Variants in RASGEF1C observed in about 807,000 individuals in gnomAD.
RASGEF1C encodes ras-GEF domain-containing family member 1C.
A neutral mutation model predicts 58.1 loss-of-function variants in RASGEF1C; 27 were observed. That is an observed-to-expected ratio of 0.46 (90% CI 0.34 to 0.64). The LOEUF is 0.64. Ranked by LOEUF, RASGEF1C falls within the 30% of genes least tolerant of loss-of-function variation. The pLI, the probability that RASGEF1C is intolerant of heterozygous loss-of-function variation, is 0.01. For synonymous variants in RASGEF1C, 243 were observed against 246.3 expected (o/e 0.99, Z 0.13); for missense variants, 502 against 605.1 (o/e 0.83, Z 1.79).
In RASGEF1C at chr5:180,143,448, A is replaced by G. The variant is rs1766614738; in HGVS notation, c.-6-5390T>C. 6.6e-6 allele frequency among the ~76,000 whole-genome samples: 1 copy of G among 152,184 alleles called. No individual in the cohort carries two copies. Among genetic ancestry groups the G allele is most frequent in the Non-Finnish European group, 1.5e-5 (1 of 68,028 alleles). ...CCTGCTATTCCAGTGGGTGCTGGAA[A>G]GAGGTAATGGTCACCTGCCCCCAGC... On this transcript the variant is annotated intron_variant, in intron 1 of 13. Coordinates refer to ENST00000361132, the MANE Select transcript of RASGEF1C (RefSeq NM_175062.4). The surrounding 1 kb of genome is among the most constrained non-coding windows in gnomAD (Gnocchi z 4.3).
intron 1 of RASGEF1C, among the ~76,000 whole-genome samples, chr5:180,206,863 A>T (rs1161008686): frequency 1.3e-5 from 2 of 152,250 alleles, no homozygotes; most frequent in African/African-American, 4.8e-5. Flanking sequence ...GATAATGCTT[A>T]AATGACTTGT....
chr5:180,169,794 C>A (rs1281709271), intron 1 of RASGEF1C, among the ~76,000 whole-genome samples: 1 of 111,182 alleles, frequency 9.0e-6, no homozygotes, highest in African/African-American at 2.8e-5. Flanking sequence ...CACCCCCCGA[C>A]CCCATGGGGC....
At chr5:180,109,074 C>T (rs561804761) in intron 12 of RASGEF1C, among the ~76,000 whole-genome samples, 5 of 152,316 alleles carry the variant, frequency 3.3e-5, no homozygotes, top group African/African-American at 1.2e-4. Flanking sequence ...TGAGACTCCT[C>T]TATGCCTCTC....
chr5:180,176,294 T>G (rs1329718758), intron 1 of RASGEF1C, among the ~76,000 whole-genome samples: 1 of 152,190 alleles, frequency 6.6e-6, no homozygotes, highest in Non-Finnish European at 1.5e-5. Flanking sequence ...AGAGCAGCCG[T>G]GGGAGGGCAC....
At chr5:180,175,917 G>C (rs2113317146) in intron 1 of RASGEF1C, among the ~76,000 whole-genome samples, 1 of 152,362 alleles carries the variant, frequency 6.6e-6, no homozygotes, top group East Asian at 1.9e-4. Flanking sequence ...GAACCCGGAA[G>C]GCAGAGCTTG....
intron 1 of RASGEF1C, among the ~76,000 whole-genome samples, chr5:180,195,013 C>T (rs1756240115): frequency 6.6e-6 from 1 of 152,242 alleles, no homozygotes; most frequent in Non-Finnish European, 1.5e-5. Context: ...GGCCATGCTT[C>T]CCCTCTGCCT....
At chr5:180,116,274 T>C (rs547121408) in intron 10 of RASGEF1C, among the ~76,000 whole-genome samples, 1 of 152,004 alleles carries the variant, frequency 6.6e-6, no homozygotes, top group East Asian at 1.9e-4. Context: ...AGCTTGGAGG[T>C]CACCCGGATA....
At chr5:180,174,727 C>T (rs983910432) in intron 1 of RASGEF1C, among the ~76,000 whole-genome samples, 2 of 152,146 alleles carry the variant, frequency 1.3e-5, no homozygotes, top group Non-Finnish European at 2.9e-5. Flanking sequence ...GGGCTGTGGT[C>T]CACAGCCAGC....
chr5:180,139,120 G>A (rs1019948230), intron 1 of RASGEF1C, among the ~76,000 whole-genome samples: 8 of 152,096 alleles, frequency 5.3e-5, no homozygotes, highest in African/African-American at 1.7e-4. Context: ...TCTGAGTGAC[G>A]GGCCTGGCAG....
At chr5:180,151,771 G>C (rs1401725674) in intron 1 of RASGEF1C, among the ~76,000 whole-genome samples, 6 of 151,980 alleles carry the variant, frequency 3.9e-5, no homozygotes, top group Admixed American at 3.9e-4. Flanking sequence ...TACCATCAGA[G>C]TGAACAGGCA....
intron 12 of RASGEF1C, among the ~76,000 whole-genome samples, chr5:180,104,160 A>G (rs960774468): frequency 1.1e-4 from 16 of 152,272 alleles, no homozygotes; most frequent in African/African-American, 3.9e-4. Flanking sequence ...TGGTTTTAGT[A>G]TCAGGGTAAT....
At chr5:180,193,565 C>A (rs561571569) in intron 1 of RASGEF1C, among the ~76,000 whole-genome samples, 1 of 152,164 alleles carries the variant, frequency 6.6e-6, no homozygotes, top group Admixed American at 6.5e-5. Context: ...GACAAGTGTT[C>A]CCATCCCCTC....
rs1416567731 is a variant in RASGEF1C, at chr5:180,128,475, T to C, written c.574A>G (p.Arg192Gly). 3 of 1,613,910 alleles carry C rather than the reference T, an allele frequency of 1.9e-6. No individual in the cohort carries two copies. Among genetic ancestry groups the C allele is most frequent in the African/African-American group, 2.7e-5 (2 of 74,886 alleles). Residue 192 changes from arginine to glycine, a missense_variant, in exon 5 of 14, where the codon AGG (arginine) becomes GGG (glycine). Physicochemically the swap from Arg to Gly is moderately radical, Grantham distance 125. Coordinates refer to ENST00000361132, the MANE Select transcript of RASGEF1C (RefSeq NM_175062.4). ...TCGCTGCAGACACCAAGGAGCTCCC[T>C]GTGGATGGAGGCTGGTGGCTTGGTC... is the stretch of plus-strand genomic sequence containing the variant. ...YRTKPPASIH[R>G]ELLGVCSDPY...
Position 180,136,839 on chromosome 5 carries a change from C to T in RASGEF1C, c.301-324G>A, listed in dbSNP as rs115833861. 2.9e-3 allele frequency: 1,021 copies of T among 351,342 alleles called. 3 individuals are homozygous for T. Among genetic ancestry groups the T allele is most frequent in the Non-Finnish European group, 4.2e-3 (812 of 191,342 alleles). The allele number at this position is 351,342 out of a possible 1,614,324, so 21.8% of individuals were successfully genotyped here. ...CCCAGGGGTGGGTCTAGGTCTGTGCCGACCAATCAGAGCAGGCATACGCCA... is the reference window on the plus strand; with the variant it reads ...CCCAGGGGTGGGTCTAGGTCTGTGCTGACCAATCAGAGCAGGCATACGCCA... On this transcript the variant is annotated intron_variant, in intron 3 of 13. Coordinates refer to ENST00000361132, the MANE Select transcript of RASGEF1C (RefSeq NM_175062.4).
At chr5:180,196,855 CT>C in intron 1 of RASGEF1C, among the ~76,000 whole-genome samples, 1 of 152,322 alleles carries the variant, frequency 6.6e-6, no homozygotes, top group East Asian at 1.9e-4. Flanking sequence ...TTAAGGAGAA[CT>C]TGGCACACTC....
chr5:180,144,664 AT>A (rs775709117), intron 1 of RASGEF1C, among the ~76,000 whole-genome samples: 9 of 152,218 alleles, frequency 5.9e-5, no homozygotes, highest in African/African-American at 1.7e-4. Flanking sequence ...AATTAAAAAA[AT>A]ATACTTAACA....
rs915498481 is a variant in RASGEF1C, at chr5:180,177,246, C to T, written c.-7+31782G>A. Among the ~76,000 whole-genome samples the T allele has an allele frequency of 2.6e-5, 4 of 152,212 alleles. No individual in the cohort carries two copies. The highest frequency in any genetic ancestry group is 9.6e-5 in the African/African-American group (4 of 41,460). On this transcript the variant is annotated intron_variant, in intron 1 of 13. Transcript: ENST00000361132. The surrounding 1 kb of genome is among the most constrained non-coding windows in gnomAD (Gnocchi z 5.0). The stretch of plus-strand genomic sequence containing the variant: ...AACCATGTGCACATCAGCCCCTCAG[C>T]CCCGAAGCCAGGGGCTGCTTTCCCT...
At chr5:180,136,807 A>T (rs963761100) in intron 3 of RASGEF1C, 4 of 432,516 alleles carry the variant, frequency 9.2e-6, no homozygotes, top group Non-Finnish European at 1.7e-5. Context: ...AGAGCAGGGG[A>T]CCCTGCCCCA....
intron 1 of RASGEF1C, among the ~76,000 whole-genome samples, chr5:180,194,641 A>G (rs191016646): frequency 5.4e-4 from 82 of 152,350 alleles, no homozygotes; most frequent in African/African-American, 1.8e-3. Flanking sequence ...AAGCTGGAGA[A>G]AAGCCCCACT....
Sources: gnomAD v4.1 joint callset for allele counts (sites outside exome capture counted in the v4.1 genomes callset) on GRCh38, gnomAD v4.1.1 for gene constraint, Gnocchi (gnomAD v3.1) non-coding constraint, MANE v1.5 for transcripts, NCBI Gene and HGNC (gene_info 2026-07-23, HGNC 2026-07-21) for gene names.